CHST11: variants seen among roughly 807,000 people sequenced by gnomAD.
CHST11 encodes carbohydrate sulfotransferase 11.
Under a neutral mutation model 30.4 loss-of-function variants are expected in CHST11, and 9 were observed. The ratio of observed to expected loss-of-function variants is 0.30; its 90% CI spans 0.18 to 0.52. The LOEUF is 0.52. CHST11 is among the 20% of genes least tolerant of loss of function. CHST11 has a pLI of 0.97. For missense variants in CHST11, 348 were observed against 460.6 expected (o/e 0.76, Z 2.24); for synonymous variants, 152 against 187.8 (o/e 0.81, Z 1.56).
chr12:104,610,885 C>T (rs781541102), intron 2 of CHST11, among the ~76,000 whole-genome samples: 1 of 152,172 alleles, frequency 6.6e-6, no homozygotes, highest in African/African-American at 2.4e-5. Flanking sequence ...GTTTATAAAA[C>T]AGGAATAAAA....
At chr12:104,608,361 C>T (rs1412435122) in intron 2 of CHST11, among the ~76,000 whole-genome samples, 2 of 152,098 alleles carry the variant, frequency 1.3e-5, no homozygotes, top group African/African-American at 2.4e-5. Flanking sequence ...AATAACTCCC[C>T]ATCTTCCTGC....
chr12:104,701,360 T>C (rs890476510), intron 2 of CHST11, among the ~76,000 whole-genome samples: 2 of 152,176 alleles, frequency 1.3e-5, no homozygotes, highest in African/African-American at 2.4e-5. Context: ...CTCAATGTTA[T>C]TGGGGACAGG....
chr12:104,474,373 T>G (rs1352357764), intron 1 of CHST11, among the ~76,000 whole-genome samples: 1 of 152,160 alleles, frequency 6.6e-6, no homozygotes, highest in African/African-American at 2.4e-5. Context: ...GAACGACAAT[T>G]ATGTGCTTAA....
At chr12:104,621,258 T>C (rs1403569399) in intron 2 of CHST11, among the ~76,000 whole-genome samples, 1 of 152,158 alleles carries the variant, frequency 6.6e-6, no homozygotes, top group East Asian at 1.9e-4. Context: ...CAAGCCAGCC[T>C]CAAAGATGAA....
chr12:104,696,496 A>AC, intron 2 of CHST11, among the ~76,000 whole-genome samples: 1 of 149,890 alleles, frequency 6.7e-6, no homozygotes, highest in African/African-American at 2.4e-5. Context: ...AAAAAAAAAA[A>AC]AAAAAAAAAA....
At chr12:104,513,359 A>C (rs1400694012) in intron 1 of CHST11, among the ~76,000 whole-genome samples, 3 of 152,204 alleles carry the variant, frequency 2.0e-5, no homozygotes, top group Admixed American at 6.5e-5. Context: ...GACTTCTCAG[A>C]TTTGGGAGGT....
At chr12:104,651,622 C>T (rs921557848) in intron 2 of CHST11, among the ~76,000 whole-genome samples, 1 of 152,192 alleles carries the variant, frequency 6.6e-6, no homozygotes, top group Admixed American at 6.5e-5. Context: ...CTCCTTTGTG[C>T]CTTGAGAAGA....
At chr12:104,653,619 C>T (rs2039515271) in intron 2 of CHST11, among the ~76,000 whole-genome samples, 1 of 152,192 alleles carries the variant, frequency 6.6e-6, no homozygotes, top group Admixed American at 6.5e-5. Context: ...AATACAACAG[C>T]CCATGTTTAC....
At chr12:104,461,284 A>T (rs2037405464) in intron 1 of CHST11, among the ~76,000 whole-genome samples, 1 of 152,184 alleles carries the variant, frequency 6.6e-6, no homozygotes, top group Admixed American at 6.5e-5. Context: ...ACTTAGATGG[A>T]TTCTAAGGAA....
At chr12:104,490,284 GT>G (rs992689742) in intron 1 of CHST11, among the ~76,000 whole-genome samples, 23 of 152,300 alleles carry the variant, frequency 1.5e-4, no homozygotes, top group African/African-American at 5.5e-4. Context: ...CCTCTGGTGT[GT>G]ATAGGAGATA....
intron 2 of CHST11, among the ~76,000 whole-genome samples, chr12:104,645,946 C>T (rs566634282): frequency 2.0e-5 from 3 of 152,328 alleles, no homozygotes; most frequent in African/African-American, 7.2e-5. Context: ...ATGGTGGCTT[C>T]AGCAAACATG....
chr12:104,713,795 C>T (rs2040107073), intron 2 of CHST11, among the ~76,000 whole-genome samples: 1 of 152,326 alleles, frequency 6.6e-6, no homozygotes, highest in East Asian at 1.9e-4. Flanking sequence ...GCTTCCTAAC[C>T]GGTTTTCTCC....
chr12:104,646,891 ATT>A (rs2039438328), intron 2 of CHST11, among the ~76,000 whole-genome samples: 1 of 152,182 alleles, frequency 6.6e-6, no homozygotes, highest in Non-Finnish European at 1.5e-5. Flanking sequence ...CTGAGTGCTT[ATT>A]CTGTGCTGGG....
At chr12:104,598,478 T>G (rs2038927207) in intron 1 of CHST11, among the ~76,000 whole-genome samples, 1 of 151,930 alleles carries the variant, frequency 6.6e-6, no homozygotes, top group African/African-American at 2.4e-5. Flanking sequence ...TCAGAAAGCA[T>G]AAAGAGTATA....
chr12:104,687,211 G>C (rs2039854397), intron 2 of CHST11, among the ~76,000 whole-genome samples: 2 of 152,228 alleles, frequency 1.3e-5, no homozygotes, highest in African/African-American at 4.8e-5. Context: ...AGCTCTTCTG[G>C]AACTATTTTG....
intron 2 of CHST11, among the ~76,000 whole-genome samples, chr12:104,655,008 C>T (rs2039529666): frequency 6.6e-6 from 1 of 152,234 alleles, no homozygotes; most frequent in Admixed American, 6.5e-5. Context: ...TCCTTTCTCT[C>T]ATCCTTTGGC....
intron 2 of CHST11, among the ~76,000 whole-genome samples, chr12:104,726,882 G>A (rs2040220905): frequency 6.6e-6 from 1 of 152,096 alleles, no homozygotes; most frequent in Non-Finnish European, 1.5e-5. Context: ...CAGAATTCAG[G>A]GCCCTGAAAG....
intron 1 of CHST11, chr12:104,591,493 G>T (rs1565999305): frequency 6.6e-6 from 1 of 152,174 alleles, no homozygotes; most frequent in Non-Finnish European, 1.5e-5. Context: ...TCACTGTTTG[G>T]TCACAGCTAG....
At chr12:104,708,963 A>G (rs2040061090) in intron 2 of CHST11, among the ~76,000 whole-genome samples, 3 of 152,128 alleles carry the variant, frequency 2.0e-5, no homozygotes, top group Non-Finnish European at 4.4e-5. Flanking sequence ...GAATGTAGGG[A>G]AAGAGAAAGG....
Sources: gnomAD v4.1 joint callset for allele counts (sites outside exome capture counted in the v4.1 genomes callset) on GRCh38, gnomAD v4.1.1 for gene constraint, MANE v1.5 for transcripts, NCBI Gene and HGNC (gene_info 2026-07-23, HGNC 2026-07-21) for gene names.